The following FIGNL2 variants were observed in gnomAD, a reference collection of about 807,000 sequenced individuals.
FIGNL2 encodes the protein fidgetin like 2, also known as fidgetin-like protein 2.
For synonymous variants in FIGNL2, 565 were observed against 484.0 expected (o/e 1.17, Z -2.20); for missense variants, 1,060 against 950.2 (o/e 1.12, Z -1.52).
chr12:51,818,862 C>T lies in FIGNL2; in HGVS notation c.*1590G>A, dbSNP rs1212870781. On this transcript the variant is annotated 3_prime_UTR_variant, in exon 2 of 2. Transcript: ENST00000618634. The stretch of plus-strand genomic sequence containing the variant: ...AGAAATATGGTTCTTGGAAGGGTTC[C>T]AAGCCTAGTGGAAAGTTCAGGCAGG... 6.6e-6 allele frequency: 1 copy of T among 152,254 alleles called. No homozygotes were observed. The highest frequency in any genetic ancestry group is 1.5e-5 in the Non-Finnish European group (1 of 68,156). 9.4% of individuals were successfully genotyped at this position (152,254 alleles called of 1,614,324 possible).
intron 1 of FIGNL2, among the ~76,000 whole-genome samples, chr12:51,836,501 C>G (rs959476177): frequency 5.3e-5 from 8 of 152,196 alleles, no homozygotes; most frequent in African/African-American, 1.9e-4. Context: ...CCTGGCCAGT[C>G]TCTCATGTCC....
In FIGNL2 at chr12:51,848,647, G is replaced by C. The variant is rs1024807135; in HGVS notation, c.-119C>G. ...CGGGGGCGACAGGCCTGGGCTGGGG[G>C]GCAGTGGCGCTCACCATCCTGGAGC... On this transcript the variant is annotated 5_prime_UTR_variant, in exon 1 of 2. Transcript: ENST00000618634. 19 of 582,568 alleles carry C rather than the reference G, an allele frequency of 3.3e-5. No homozygotes were observed. Among genetic ancestry groups the C allele is most frequent in the Non-Finnish European group, 3.7e-5 (17 of 462,376 alleles). The allele number at this position is 582,568 out of a possible 1,614,324, so 36.1% of individuals were successfully genotyped here. A position where few individuals can be genotyped will look rare whatever the true frequency, so the allele number is the denominator to read the frequency against.
chr12:51,827,495 G>T (rs1313869087), intron 1 of FIGNL2, among the ~76,000 whole-genome samples: 1 of 152,060 alleles, frequency 6.6e-6, no homozygotes, highest in African/African-American at 2.4e-5. Context: ...CAAAGTGCTG[G>T]GATTACAGGC....
Position 51,821,734 on chromosome 12 carries a change from G to C in FIGNL2, c.680C>G (p.Pro227Arg). ...CAGGCCCGGGGTCAGGTAGGGGGCC[G>C]GGGGTGGGCCTGGGGGCGGCGGGAG... ...GALPPPPGPP[P>R]APYLTPGLPA... Residue 227 changes from proline (P) to arginine (R), a missense_variant, in exon 2 of 2, where the codon CCG becomes CGG. Pro to Arg is a moderately radical substitution (Grantham distance 103). Coordinates refer to ENST00000618634, the MANE Select transcript of FIGNL2 (RefSeq NM_001384995.1). 7.7e-7 allele frequency: 1 copy of C among 1,305,736 alleles called. No individual in the cohort carries two copies. The highest frequency in any genetic ancestry group is 3.2e-5 in the East Asian group (1 of 31,412). The allele number at this position is 1,305,736 out of a possible 1,614,324, so 80.9% of individuals were successfully genotyped here.
chr12:51,834,653 C>T (rs1170390310), intron 1 of FIGNL2, among the ~76,000 whole-genome samples: 1 of 152,190 alleles, frequency 6.6e-6, no homozygotes, highest in Non-Finnish European at 1.5e-5. Flanking sequence ...GCTGGCCAAG[C>T]GGCCCCCATC....
chr12:51,828,045 C>G lies in FIGNL2; in HGVS notation c.-11-5621G>C, dbSNP rs570541187. ...CTTTGTTCTTACAGCCAGAGAATAGCCTGAGTCATTCCACGCTGCACACCT... is the reference window on the plus strand; with the variant it reads ...CTTTGTTCTTACAGCCAGAGAATAGGCTGAGTCATTCCACGCTGCACACCT... On this transcript the variant is annotated intron_variant, in intron 1 of 1. Coordinates refer to ENST00000618634, the MANE Select transcript of FIGNL2 (RefSeq NM_001384995.1). Among the ~76,000 whole-genome samples, 258 of 152,262 alleles carry G rather than the reference C, an allele frequency of 1.7e-3. 2 individuals are homozygous for G. Among genetic ancestry groups the G allele is most frequent in the Middle Eastern group, 3.4e-3 (1 of 294 alleles).
Position 51,820,472 on chromosome 12 carries a change from T to A in FIGNL2, c.1942A>T (p.Met648Leu). The A allele has an allele frequency of 1.9e-6, 3 of 1,590,622 alleles. No homozygotes were observed. Among genetic ancestry groups the A allele is most frequent in the Non-Finnish European group, 8.5e-7 (1 of 1,176,104 alleles). Residue 648 changes from methionine (M) to leucine (L), a missense_variant, in exon 2 of 2, where the codon ATG becomes TTG. Coordinates refer to ENST00000618634, the MANE Select transcript of FIGNL2 (RefSeq NM_001384995.1). ...ELDSFVEWDK[M>L]YGSGH ...CGCCGTCAGTGTCCGGAGCCGTACA[T>A]TTTGTCCCACTCCACGAACGAGTCC...
At chr12:51,846,446 C>G (rs1939751883) in intron 1 of FIGNL2, among the ~76,000 whole-genome samples, 1 of 152,200 alleles carries the variant, frequency 6.6e-6, no homozygotes, top group Non-Finnish European at 1.5e-5. Flanking sequence ...CCCTAGATCT[C>G]AGCAATAAAG....
In FIGNL2 at chr12:51,821,609, C is replaced by T; in HGVS notation, c.805G>A (p.Ala269Thr). Residue 269 changes from alanine to threonine, a missense_variant, in exon 2 of 2, where the codon GCC becomes ACC. Transcript: ENST00000618634. ...AESGLSLKRK[A>T]ADEGPEGRYR... is the part of the protein sequence containing the mutation. ...CGGCCCTCGGGCCCCTCGTCGGCGG[C>T]CTTGCGCTTCAGCGACAGCCCGGAT... 6.7e-7 allele frequency: 1 copy of T among 1,502,086 alleles called. No homozygotes were observed. Among genetic ancestry groups the T allele is most frequent in the Non-Finnish European group, 8.8e-7 (1 of 1,131,506 alleles). The allele number at this position is 1,502,086 out of a possible 1,614,324, so 93.0% of individuals were successfully genotyped here. A position where few individuals can be genotyped will look rare whatever the true frequency, so the allele number is the denominator to read the frequency against.
chr12:51,832,612 G>A (rs1218438975), intron 1 of FIGNL2, among the ~76,000 whole-genome samples: 1 of 152,038 alleles, frequency 6.6e-6, no homozygotes, highest in Non-Finnish European at 1.5e-5. Flanking sequence ...AAACCCTGCA[G>A]ACCTCGGGCT....
chr12:51,825,748 C>G (rs972922170), intron 1 of FIGNL2: 1 of 151,802 alleles, frequency 6.6e-6, no homozygotes, highest in African/African-American at 2.4e-5. Context: ...TCCCGAGTAG[C>G]TGGGACTACA....
chr12:51,830,796 CT>C, intron 1 of FIGNL2, among the ~76,000 whole-genome samples: 1 of 151,742 alleles, frequency 6.6e-6, no homozygotes, highest in African/African-American at 2.4e-5. Flanking sequence ...GGCCTACGCT[CT>C]TTTTTTCTTG....
chr12:51,830,887 TC>T (rs1939448447), intron 1 of FIGNL2, among the ~76,000 whole-genome samples: 1 of 152,100 alleles, frequency 6.6e-6, no homozygotes, highest in Admixed American at 6.6e-5. Flanking sequence ...GTTCAAGCGA[TC>T]CCCCCACCTC....
chr12:51,839,176 A>C (rs1157113394), intron 1 of FIGNL2, among the ~76,000 whole-genome samples: 1 of 151,068 alleles, frequency 6.6e-6, no homozygotes, highest in Non-Finnish European at 1.5e-5. Flanking sequence ...CTTGAGCCAC[A>C]TTCTTCACTG....
chr12:51,825,294 G>C (rs12367970), intron 1 of FIGNL2, among the ~76,000 whole-genome samples: 43,242 of 151,934 alleles, frequency 0.28, 6,714 homozygotes, highest in Admixed American at 0.35. Context: ...ATCTGGACTT[G>C]TCCACACACA....
intron 1 of FIGNL2, among the ~76,000 whole-genome samples, chr12:51,843,054 G>A (rs923497979): frequency 2.0e-5 from 3 of 152,166 alleles, no homozygotes; most frequent in African/African-American, 4.8e-5. Flanking sequence ...CTGGCCATGT[G>A]GGAGGCTGCA....
At chr12:51,832,142 A>G (rs1939484619) in intron 1 of FIGNL2, among the ~76,000 whole-genome samples, 1 of 151,884 alleles carries the variant, frequency 6.6e-6, no homozygotes, top group Admixed American at 6.6e-5. Flanking sequence ...TCAGCCTCCT[A>G]AGTAGCTGGG....
rs1222003322 is a variant in FIGNL2 at position 51,834,762 on chromosome 12, G to C, written c.-11-12338C>G. ...GGCCACAGCCAAGCTGTGACCATCT[G>C]TTGTTGCTCTGAGAGGCCAGGCCAG... On this transcript the variant is annotated intron_variant, in intron 1 of 1. Transcript: ENST00000618634. 2.0e-5 allele frequency among the ~76,000 whole-genome samples: 3 copies of C among 152,364 alleles called. No individual in the cohort carries two copies. The East Asian group carries it at 5.8e-4, about 29-fold the overall frequency.
chr12:51,846,290 TG>T (rs1381411442), intron 1 of FIGNL2, among the ~76,000 whole-genome samples: 1 of 152,022 alleles, frequency 6.6e-6, no homozygotes, highest in East Asian at 1.9e-4. Flanking sequence ...AGCTCGGGGC[TG>T]GGGAGGTGAT....
Sources: gnomAD v4.1 joint callset for allele counts (sites outside exome capture counted in the v4.1 genomes callset) on GRCh38, gnomAD v4.1.1 for gene constraint, MANE v1.5 for transcripts, NCBI Gene and HGNC (gene_info 2026-07-23, HGNC 2026-07-21) for gene names.